The following CFAP299 variants were observed in gnomAD, a reference collection of about 807,000 sequenced individuals.
The protein encoded by CFAP299 is cilia- and flagella-associated protein 299.
Under a neutral mutation model 27.0 loss-of-function variants are expected in CFAP299, and 21 were observed. The observed-to-expected ratio is 0.78, with a 90% confidence interval of 0.55 to 1.12. CFAP299 has a LOEUF of 1.12. Ranked by LOEUF, CFAP299 falls within the 50% of genes most tolerant of loss-of-function variation. The pLI is 0.00. For synonymous variants in CFAP299, 104 were observed against 98.1 expected (o/e 1.06, Z -0.36); for missense variants, 310 against 276.6 (o/e 1.12, Z -0.86).
At chr4:80,346,547 C>T (rs1478481689) in intron 1 of CFAP299, among the ~76,000 whole-genome samples, 5 of 152,152 alleles carry the variant, frequency 3.3e-5, no homozygotes, top group Non-Finnish European at 7.3e-5. Flanking sequence ...TTCCCCAGTG[C>T]TTGTTTTTGT....
chr4:80,344,887 A>T (rs1722647988), intron 1 of CFAP299, among the ~76,000 whole-genome samples: 1 of 152,226 alleles, frequency 6.6e-6, no homozygotes, highest in Non-Finnish European at 1.5e-5. Context: ...CTAAAATAAA[A>T]AACCACATGA....
intron 1 of CFAP299, among the ~76,000 whole-genome samples, chr4:80,337,569 T>C (rs1056337539): frequency 6.6e-6 from 1 of 152,094 alleles, no homozygotes; most frequent in Non-Finnish European, 1.5e-5. Flanking sequence ...AGCTAATTTT[T>C]GTATTTTTAG....
chr4:80,490,861 A>G (rs1439020490), intron 2 of CFAP299, among the ~76,000 whole-genome samples: 2 of 152,216 alleles, frequency 1.3e-5, no homozygotes, highest in South Asian at 2.1e-4. Flanking sequence ...TTTCAAAGAC[A>G]TAATTCACCT....
intron 3 of CFAP299, among the ~76,000 whole-genome samples, chr4:80,799,317 TAA>T (rs1176352724): frequency 6.7e-5 from 7 of 104,944 alleles, no homozygotes; most frequent in South Asian, 2.6e-4. Context: ...TTTATATATA[TAA>T]ATATATTTAT....
intron 2 of CFAP299, among the ~76,000 whole-genome samples, chr4:80,407,039 A>T (rs537366517): frequency 6.6e-6 from 1 of 152,288 alleles, no homozygotes; most frequent in Non-Finnish European, 1.5e-5. Flanking sequence ...TCAAGATATG[A>T]GCAACTTAGC....
intron 4 of CFAP299, among the ~76,000 whole-genome samples, chr4:80,916,288 TA>T (rs1560475543): frequency 5.6e-5 from 7 of 124,198 alleles, no homozygotes; most frequent in African/African-American, 1.6e-4. Flanking sequence ...TATATATATA[TA>T]TATATATTTC....
At chr4:80,398,442 A>G (rs1725942187) in intron 2 of CFAP299, among the ~76,000 whole-genome samples, 1 of 152,178 alleles carries the variant, frequency 6.6e-6, no homozygotes, top group Non-Finnish European at 1.5e-5. Context: ...AAACTATACT[A>G]CAAGGCTATA....
intron 2 of CFAP299, among the ~76,000 whole-genome samples, chr4:80,526,791 A>G (rs1256106826): frequency 6.6e-6 from 1 of 152,162 alleles, no homozygotes; most frequent in East Asian, 1.9e-4. Flanking sequence ...ATTACATTTT[A>G]CCTTACACAC....
At chr4:80,639,563 G>A (rs990376156) in intron 3 of CFAP299, among the ~76,000 whole-genome samples, 4 of 152,204 alleles carry the variant, frequency 2.6e-5, no homozygotes, top group African/African-American at 9.6e-5. Context: ...CAAGTGTTGT[G>A]TGATTCCACT....
At chr4:80,696,765 G>A (rs1721121439) in intron 3 of CFAP299, among the ~76,000 whole-genome samples, 1 of 152,124 alleles carries the variant, frequency 6.6e-6, no homozygotes, top group Admixed American at 6.5e-5. Context: ...AAGAACAATG[G>A]AAAGTACGAA....
intron 2 of CFAP299, among the ~76,000 whole-genome samples, chr4:80,447,289 C>T (rs1728685394): frequency 2.7e-5 from 4 of 147,972 alleles, no homozygotes; most frequent in African/African-American, 7.5e-5. Flanking sequence ...GCGCCCGCCA[C>T]TACGCCCGGC....
chr4:80,336,588 G>A (rs1403770670), intron 1 of CFAP299: 1 of 152,290 alleles, frequency 6.6e-6, no homozygotes, highest in Admixed American at 6.6e-5. Flanking sequence ...GGGTGGTGGG[G>A]GACAGAGTGG....
chr4:80,585,717 G>A (rs1736400304), intron 3 of CFAP299, among the ~76,000 whole-genome samples: 1 of 152,132 alleles, frequency 6.6e-6, no homozygotes, highest in African/African-American at 2.4e-5. Context: ...AGCAGTATAT[G>A]GGGATAAGTG....
At chr4:80,588,120 G>A (rs966499295) in intron 3 of CFAP299, among the ~76,000 whole-genome samples, 3 of 151,110 alleles carry the variant, frequency 2.0e-5, no homozygotes, top group South Asian at 4.1e-4. Context: ...TTCTGCCTGC[G>A]GCAAGGTGAA....
intron 2 of CFAP299, among the ~76,000 whole-genome samples, chr4:80,557,221 T>A (rs1337372699): frequency 1.3e-5 from 2 of 152,060 alleles, no homozygotes; most frequent in Non-Finnish European, 1.5e-5. Context: ...CAAAATTGGC[T>A]ATTGCAATCT....
intron 2 of CFAP299, among the ~76,000 whole-genome samples, chr4:80,403,067 G>A (rs969919056): frequency 2.6e-5 from 4 of 152,140 alleles, no homozygotes; most frequent in African/African-American, 9.7e-5. Context: ...AAAGGTGCAG[G>A]TGTATTTGGG....
At position 80,664,858 on chromosome 4, in the gene CFAP299, G is replaced by A. The variant is rs569719543; in HGVS notation, c.333+81675G>A. 4.6e-5 allele frequency among the ~76,000 whole-genome samples: 7 copies of A among 152,304 alleles called. No individual in the cohort carries two copies. In the South Asian group the frequency reaches 6.2e-4, roughly 14 times the overall value. On this transcript the variant is annotated intron_variant, in intron 3 of 5. Coordinates refer to ENST00000358105, the MANE Select transcript of CFAP299 (RefSeq NM_152770.3). Reference sequence around the variant, plus strand: ...GCTTGAAACCCAGGGCCCTGGTGGTGTAGGCACCCAAGGGAATCTCTGTTC... The same window carrying A: ...GCTTGAAACCCAGGGCCCTGGTGGTATAGGCACCCAAGGGAATCTCTGTTC...
At chr4:80,492,244 G>A (rs560268211) in intron 2 of CFAP299, among the ~76,000 whole-genome samples, 48 of 152,102 alleles carry the variant, frequency 3.2e-4, no homozygotes, top group Non-Finnish European at 5.3e-4. Context: ...GCTGTGCCCC[G>A]ACCACCTTGG....
chr4:80,608,288 T>C (rs1416684858), intron 3 of CFAP299: 1 of 1,292,238 alleles, frequency 7.7e-7, no homozygotes, highest in South Asian at 1.3e-5. Context: ...TTTGTTAACA[T>C]GTGGAATACA....
Sources: allele counts gnomAD v4.1 joint callset (sites outside exome capture counted in the v4.1 genomes callset), GRCh38; gene constraint gnomAD v4.1.1; transcripts MANE v1.5; gene names NCBI Gene and HGNC (gene_info 2026-07-23, HGNC 2026-07-21).